The following SPAG16 variants were observed in gnomAD, a reference collection of about 807,000 sequenced individuals.
The protein encoded by SPAG16 is sperm-associated antigen 16 protein.
In SPAG16, 86 loss-of-function variants were observed where a neutral mutation model predicts 80.4. The observed-to-expected ratio is 1.07, with a 90% confidence interval of 0.90 to 1.28. SPAG16 has a LOEUF of 1.28. SPAG16 is among the 50% of genes most tolerant of loss of function. The pLI, the probability that SPAG16 is intolerant of heterozygous loss-of-function variation, is 0.00. For synonymous variants in SPAG16, 294 were observed against 265.9 expected (o/e 1.11, Z -1.03); for missense variants, 870 against 765.3 (o/e 1.14, Z -1.61).
intron 6 of SPAG16, among the ~76,000 whole-genome samples, chr2:213,348,819 T>G (rs1479896701): frequency 6.6e-6 from 1 of 152,208 alleles, no homozygotes; most frequent in East Asian, 1.9e-4. Context: ...CATTTTTTCC[T>G]TCATTTCAAC....
chr2:213,520,648 G>A (rs2125847044), intron 10 of SPAG16, among the ~76,000 whole-genome samples: 1 of 152,284 alleles, frequency 6.6e-6, no homozygotes, highest in Middle Eastern at 3.4e-3. Flanking sequence ...GTATTACTCT[G>A]TTACAACAGC....
intron 11 of SPAG16, among the ~76,000 whole-genome samples, chr2:213,876,000 G>C (rs1339733591): frequency 2.6e-5 from 4 of 152,042 alleles, no homozygotes; most frequent in Non-Finnish European, 5.9e-5. Flanking sequence ...ATTAAACACA[G>C]CAACTAAAAG....
chr2:213,993,594 G>A (rs1252199144), intron 12 of SPAG16, among the ~76,000 whole-genome samples: 1 of 152,132 alleles, frequency 6.6e-6, no homozygotes, highest in East Asian at 1.9e-4. Context: ...AAGAAATACT[G>A]ACTCCATAAA....
At chr2:213,410,513 G>A (rs994089691) in intron 9 of SPAG16, among the ~76,000 whole-genome samples, 1 of 152,132 alleles carries the variant, frequency 6.6e-6, no homozygotes. Flanking sequence ...TTGGTCCAAC[G>A]TTCTGTGGCC....
intron 9 of SPAG16, among the ~76,000 whole-genome samples, chr2:213,444,015 T>G (rs1181232614): frequency 6.6e-6 from 1 of 152,206 alleles, no homozygotes; most frequent in Non-Finnish European, 1.5e-5. Flanking sequence ...CACTTCAGCC[T>G]ATTCTCTGCA....
chr2:214,001,526 T>C (rs2046788062), intron 12 of SPAG16, among the ~76,000 whole-genome samples: 1 of 152,230 alleles, frequency 6.6e-6, no homozygotes, highest in South Asian at 2.1e-4. Context: ...GATTGTAAAG[T>C]ATATGTAACC....
intron 13 of SPAG16, among the ~76,000 whole-genome samples, chr2:214,095,330 A>T (rs537146170): frequency 6.8e-4 from 104 of 152,172 alleles, no homozygotes; most frequent in Non-Finnish European, 8.7e-4. Context: ...CCTTTTCTCC[A>T]GTTCAACTAC....
chr2:214,167,468 T>C (rs939664583), intron 15 of SPAG16, among the ~76,000 whole-genome samples: 5 of 152,058 alleles, frequency 3.3e-5, no homozygotes, highest in African/African-American at 4.8e-5. Context: ...CCTTATCACA[T>C]TTTAGCTGCA....
chr2:213,738,733 G>A (rs986744931), intron 10 of SPAG16, among the ~76,000 whole-genome samples: 1 of 152,154 alleles, frequency 6.6e-6, no homozygotes, highest in South Asian at 2.1e-4. Flanking sequence ...TTATAATGCT[G>A]TTCACCAATT....
chr2:213,987,729 C>A (rs2046082904), intron 12 of SPAG16, among the ~76,000 whole-genome samples: 1 of 150,800 alleles, frequency 6.6e-6, no homozygotes, highest in South Asian at 2.1e-4. Flanking sequence ...GTATGCATGC[C>A]TTTAATTCCT....
chr2:213,703,525 C>T (rs933055777), intron 10 of SPAG16, among the ~76,000 whole-genome samples: 9 of 152,176 alleles, frequency 5.9e-5, no homozygotes, highest in Non-Finnish European at 2.9e-5. Flanking sequence ...AAGATAAAAA[C>T]ATCTTGATGG....
intron 7 of SPAG16, among the ~76,000 whole-genome samples, chr2:213,354,417 G>A (rs2065512846): frequency 6.6e-6 from 1 of 152,122 alleles, no homozygotes; most frequent in African/African-American, 2.4e-5. Flanking sequence ...TGGGATTGCT[G>A]GGTCAAATGG....
chr2:213,541,681 C>A (rs1465693434), intron 10 of SPAG16, among the ~76,000 whole-genome samples: 1 of 152,086 alleles, frequency 6.6e-6, no homozygotes, highest in African/African-American at 2.4e-5. Flanking sequence ...AAGAGAGAAC[C>A]CTTCCAAGAT....
At chr2:213,663,399 A>G (rs2063493294) in intron 10 of SPAG16, among the ~76,000 whole-genome samples, 1 of 152,142 alleles carries the variant, frequency 6.6e-6, no homozygotes, top group African/African-American at 2.4e-5. Context: ...GCAGTGTTTA[A>G]AAATAGTAAA....
At chr2:213,968,358 C>G (rs1247786172) in intron 12 of SPAG16, among the ~76,000 whole-genome samples, 1 of 152,052 alleles carries the variant, frequency 6.6e-6, no homozygotes, top group Non-Finnish European at 1.5e-5. Context: ...ACACCTGCCA[C>G]CACACCTGTA....
intron 14 of SPAG16, among the ~76,000 whole-genome samples, chr2:214,139,442 T>C (rs771398139): frequency 2.0e-5 from 3 of 152,092 alleles, no homozygotes; most frequent in Non-Finnish European, 2.9e-5. Context: ...ATTTTGTTGA[T>C]GTTATCTCTT....
rs939876188 is a variant in SPAG16, at chr2:213,350,637, G to T, written c.754G>T (p.Val252Phe). ...GACCTCCTTGGAAAGAGACAAAGTA[G>T]TTGGGCAGGTAAAGATATAGTCAAA... ...MLTSLERDKVVGQISGLQETL... is the reference protein window; with the variant it reads ...MLTSLERDKVFGQISGLQETL... Residue 252 changes from valine to phenylalanine, a missense_variant, in exon 7 of 16, where the codon GTT becomes TTT. Physicochemically the swap from Val to Phe is conservative, Grantham distance 50 (BLOSUM62 -1). Coordinates refer to ENST00000331683, the MANE Select transcript of SPAG16 (RefSeq NM_024532.5). 8 of 1,575,446 alleles carry T rather than the reference G, an allele frequency of 5.1e-6. No individual in the cohort carries two copies. Among genetic ancestry groups the T allele is most frequent in the Admixed American group, 1.9e-5 (1 of 52,282 alleles).
chr2:213,582,013 G>A (rs963294012), intron 10 of SPAG16, among the ~76,000 whole-genome samples: 1 of 152,028 alleles, frequency 6.6e-6, no homozygotes, highest in Non-Finnish European at 1.5e-5. Context: ...ATTATGAAAT[G>A]CAAACTATGG....
At chr2:213,615,450 G>A (rs2061562372) in intron 10 of SPAG16, among the ~76,000 whole-genome samples, 1 of 152,152 alleles carries the variant, frequency 6.6e-6, no homozygotes, top group South Asian at 2.1e-4. Flanking sequence ...AATTACCTGG[G>A]TGGGATGGCA....
Sources: gnomAD v4.1 joint callset for allele counts (sites outside exome capture counted in the v4.1 genomes callset) on GRCh38, gnomAD v4.1.1 for gene constraint, MANE v1.5 for transcripts, NCBI Gene and HGNC (gene_info 2026-07-23, HGNC 2026-07-21) for gene names.